The following PIP5K1A variants were observed in gnomAD, a reference collection of about 807,000 sequenced individuals.
The protein encoded by PIP5K1A is phosphatidylinositol-4-phosphate 5-kinase type 1 alpha, also known as phosphatidylinositol 4-phosphate 5-kinase type-1 alpha.
Under a neutral mutation model 72.9 loss-of-function variants are expected in PIP5K1A, and 46 were observed. The observed-to-expected ratio is 0.63, with a 90% CI of 0.50 to 0.81. PIP5K1A has a LOEUF of 0.81. PIP5K1A is among the 30% of genes least tolerant of loss of function. PIP5K1A has a pLI of 0.00. For synonymous variants in PIP5K1A, 228 were observed against 255.1 expected (o/e 0.89, Z 1.01); for missense variants, 458 against 706.1 (o/e 0.65, Z 3.98).
intron 4 of PIP5K1A, among the ~76,000 whole-genome samples, chr1:151,228,014 A>G (rs1054921455): frequency 2.0e-5 from 3 of 152,220 alleles, no homozygotes; most frequent in African/African-American, 4.8e-5. Flanking sequence ...ATCTTACCAC[A>G]GGGAACCATG....
At chr1:151,212,636 A>G (rs1309806349) in intron 1 of PIP5K1A, among the ~76,000 whole-genome samples, 4 of 150,970 alleles carry the variant, frequency 2.6e-5, no homozygotes, top group Admixed American at 6.6e-5. Flanking sequence ...GTACAGTGGC[A>G]TGATCTCTGC....
chr1:151,245,619 TC>T (rs1417331281), intron 14 of PIP5K1A, among the ~76,000 whole-genome samples: 1 of 152,186 alleles, frequency 6.6e-6, no homozygotes, highest in Non-Finnish European at 1.5e-5. Context: ...CATTGCAACT[TC>T]CGCCTCCCAG....
chr1:151,203,704 G>A (rs1685527705), intron 1 of PIP5K1A, among the ~76,000 whole-genome samples: 1 of 150,286 alleles, frequency 6.7e-6, no homozygotes, highest in Non-Finnish European at 1.5e-5. Context: ...CACTCCTGTA[G>A]TCCCAGCTAC....
chr1:151,242,382 T>G (rs1571009367), intron 13 of PIP5K1A, 56 bp from the exon 14 acceptor site: 1 of 1,607,396 alleles, frequency 6.2e-7, no homozygotes, highest in East Asian at 2.2e-5. Context: ...GAAGCCTAGC[T>G]GCTACATATT....
intron 4 of PIP5K1A, among the ~76,000 whole-genome samples, chr1:151,229,221 C>T (rs1430593707): frequency 2.0e-5 from 3 of 146,478 alleles, no homozygotes; most frequent in Non-Finnish European, 3.0e-5. Flanking sequence ...GGATCTTGCT[C>T]TGTTGCCCAG....
At chr1:151,241,438 A>C (rs1691682597) in intron 12 of PIP5K1A, among the ~76,000 whole-genome samples, 1 of 150,924 alleles carries the variant, frequency 6.6e-6, no homozygotes, top group Non-Finnish European at 1.5e-5. Context: ...CGGGAGGCGG[A>C]GCTTGCAGTG....
In PIP5K1A at chr1:151,213,040, G is replaced by A. The variant is rs149986181; in HGVS notation, c.86-11205G>A. On this transcript the variant is annotated intron_variant, in intron 1 of 15. Coordinates refer to ENST00000368888, the MANE Select transcript of PIP5K1A (RefSeq NM_001135638.2). ...GGAGTAGCTGGAACTACAGGCGCCC[G>A]CCACCACGCCCGGCTATTTTATTTT... is the stretch of plus-strand genomic sequence containing the variant. Among the ~76,000 whole-genome samples, 621 of 151,832 alleles carry A rather than the reference G, an allele frequency of 4.1e-3. 16 individuals carry two copies. Among genetic ancestry groups the A allele is most frequent in the East Asian group, 0.022 (115 of 5,162 alleles).
At chr1:151,244,656 A>G (rs1383967983) in intron 14 of PIP5K1A, among the ~76,000 whole-genome samples, 1 of 152,174 alleles carries the variant, frequency 6.6e-6, no homozygotes, top group East Asian at 1.9e-4. Context: ...ACCCTGTCTC[A>G]AAAGAAAAAT....
chr1:151,247,911 G>A lies in PIP5K1A; in HGVS notation c.*46G>A. The A allele has an allele frequency of 1.0e-5, 16 of 1,572,466 alleles. No homozygotes were observed. Among genetic ancestry groups the A allele is most frequent in the Non-Finnish European group, 1.4e-5 (16 of 1,142,282 alleles). ...TGGAACAAGATTCTGCCATCTCTGT[G>A]ATCCCAAGATGTCAGCCCTTGCCCC... On this transcript the variant is annotated 3_prime_UTR_variant, in exon 16 of 16. Coordinates refer to ENST00000368888, the MANE Select transcript of PIP5K1A (RefSeq NM_001135638.2).
At chr1:151,195,913 G>A (rs200454265), upstream of PIP5K1A, among the ~76,000 whole-genome samples, 2 of 936 alleles carry the variant, frequency 2.1e-3, no homozygotes, top group Non-Finnish European at 8.8e-3. Flanking sequence ...TTTTTTTTTT[G>A]AGACGGAGTC....
chr1:151,197,254 G>A (rs898751122), upstream of PIP5K1A, among the ~76,000 whole-genome samples: 1 of 151,826 alleles, frequency 6.6e-6, no homozygotes, highest in African/African-American at 2.4e-5. Context: ...TCATTCTGGG[G>A]GTTACAAAAC....
chr1:151,218,474 T>C (rs1687940347), intron 1 of PIP5K1A, among the ~76,000 whole-genome samples: 1 of 152,158 alleles, frequency 6.6e-6, no homozygotes. Flanking sequence ...TTATTTAGTT[T>C]GTTAGAGCAT....
At chr1:151,204,139 TA>T (rs772242362) in intron 1 of PIP5K1A, among the ~76,000 whole-genome samples, 42 of 152,268 alleles carry the variant, frequency 2.8e-4, no homozygotes, top group Middle Eastern at 6.8e-3. Flanking sequence ...TAACCTGCAG[TA>T]ATCTGTTAAC....
At chr1:151,231,941 C>A in intron 5 of PIP5K1A, 140 bp downstream of exon 5, 1 of 789,580 alleles carries the variant, frequency 1.3e-6, no homozygotes, top group East Asian at 2.5e-5. Flanking sequence ...CGATGTGGGA[C>A]TAGAGAGTTC....
upstream of PIP5K1A, chr1:151,198,267 C>CT: frequency 2.8e-6 from 1 of 358,208 alleles, no homozygotes; most frequent in Non-Finnish European, 5.6e-6. Flanking sequence ...GCAGAGAGTT[C>CT]TTTCCTGGGT....
At chr1:151,230,359 G>C (rs1437685348) in intron 4 of PIP5K1A, among the ~76,000 whole-genome samples, 1 of 152,228 alleles carries the variant, frequency 6.6e-6, no homozygotes, top group Non-Finnish European at 1.5e-5. Context: ...AGTGGCTACT[G>C]TTATCAGACA....
At chr1:151,202,500 C>CT (rs1685341155) in intron 1 of PIP5K1A, among the ~76,000 whole-genome samples, 1 of 152,180 alleles carries the variant, frequency 6.6e-6, no homozygotes, top group Non-Finnish European at 1.5e-5. Flanking sequence ...TAGGTGGACT[C>CT]TTGCTCTTGT....
intron 1 of PIP5K1A, chr1:151,199,323 G>A (rs750901838): frequency 2.8e-6 from 2 of 724,746 alleles, no homozygotes; most frequent in Non-Finnish European, 4.3e-6. Context: ...TGAAGGTGGG[G>A]GTAGGGTGGC....
intron 1 of PIP5K1A, among the ~76,000 whole-genome samples, chr1:151,202,846 C>T (rs1431474088): frequency 2.0e-5 from 3 of 151,770 alleles, no homozygotes; most frequent in East Asian, 1.9e-4. Flanking sequence ...AATCTTGGCT[C>T]ACTGCAGCCT....
Sources: gnomAD v4.1 joint callset for allele counts (sites outside exome capture counted in the v4.1 genomes callset) on GRCh38, gnomAD v4.1.1 for gene constraint, MANE v1.5 for transcripts, NCBI Gene and HGNC (gene_info 2026-07-23, HGNC 2026-07-21) for gene names.